OSBPL6: variants seen among roughly 807,000 people sequenced by gnomAD.
The protein encoded by OSBPL6 is oxysterol-binding protein-related protein 6.
In OSBPL6, 49 loss-of-function variants were observed where a neutral mutation model predicts 125.8. The ratio of observed to expected loss-of-function variants is 0.39; its 90% CI spans 0.31 to 0.49. The LOEUF (loss-of-function observed/expected upper bound fraction) is 0.49, where lower values mean the gene tolerates loss of function less well. Among genes scored for constraint, OSBPL6 ranks in the 20% least tolerant of loss-of-function variants. The pLI is 0.88. For missense variants in OSBPL6, 986 were observed against 1,135.4 expected, an observed-to-expected ratio of 0.87 and a Z score of 1.89; for synonymous variants, 394 against 391.8, an observed-to-expected ratio of 1.01 and a Z score of -0.07.
rs115189361 is a variant in OSBPL6, at chr2:178,342,312, A to C, written c.987+2548A>C. The stretch of plus-strand genomic sequence containing the variant: ...ATTGTTGCTGCTGTTGTTGTTATCA[A>C]TGTTGTGTTACTGAACTTTGTATTC... On this transcript the variant is annotated intron_variant, in intron 11 of 24. Coordinates refer to ENST00000190611, the MANE Select transcript of OSBPL6 (RefSeq NM_032523.4). Among the ~76,000 whole-genome samples the C allele has an allele frequency of 2.7e-3, 415 of 152,250 alleles. 1 individual carries two copies. The highest frequency in any genetic ancestry group is 0.027 in the Middle Eastern group (8 of 294).
chr2:178,252,959 A>G (rs1016223256), intron 1 of OSBPL6, among the ~76,000 whole-genome samples: 3 of 152,118 alleles, frequency 2.0e-5, no homozygotes, highest in African/African-American at 7.3e-5. Flanking sequence ...GCTCTTGGAC[A>G]TCCCCTACAG....
intron 12 of OSBPL6, among the ~76,000 whole-genome samples, chr2:178,353,665 AC>A (rs1174721849): frequency 1.2e-4 from 19 of 152,226 alleles, no homozygotes; most frequent in African/African-American, 3.6e-4. Flanking sequence ...AAGTTGGAAA[AC>A]ACTCTTCAGG....
At chr2:178,281,634 A>G (rs1439703234) in intron 1 of OSBPL6, among the ~76,000 whole-genome samples, 1 of 152,082 alleles carries the variant, frequency 6.6e-6, no homozygotes, top group Non-Finnish European at 1.5e-5. Context: ...TCTGTATTTG[A>G]TCATGTCCTT....
intron 15 of OSBPL6, 62 bp downstream of exon 15, chr2:178,374,089 C>T (rs941748555): frequency 6.5e-7 from 1 of 1,541,990 alleles, no homozygotes; most frequent in Non-Finnish European, 8.8e-7. Flanking sequence ...AGTTAAAGAA[C>T]ATAAAACTGT....
chr2:178,314,832 T>G (rs1258663794), intron 3 of OSBPL6, among the ~76,000 whole-genome samples: 1 of 152,190 alleles, frequency 6.6e-6, no homozygotes, highest in Non-Finnish European at 1.5e-5. Flanking sequence ...GGAACCCAGT[T>G]TCTGGAGCCC....
chr2:178,384,634 A>G (rs73034346), intron 18 of OSBPL6, among the ~76,000 whole-genome samples: 11,106 of 152,200 alleles, frequency 0.073, 729 homozygotes, highest in East Asian at 0.19. Flanking sequence ...CCTCAGTCTC[A>G]CTCTGTGAAT....
In OSBPL6 at chr2:178,324,491, A is replaced by G. The variant is rs148082873; in HGVS notation, c.195+222A>G. Among the ~76,000 whole-genome samples, 503 of 152,350 alleles carry G rather than the reference A, an allele frequency of 3.3e-3. 3 individuals are homozygous for G. The highest frequency in any genetic ancestry group is 0.012 in the African/African-American group (492 of 41,592). On this transcript the variant is annotated intron_variant, in intron 4 of 24. Coordinates refer to ENST00000190611, the MANE Select transcript of OSBPL6 (RefSeq NM_032523.4). ...GCTGGGATTTGTAGGGTTACATTCAAAGGTCCAAAATTCTGTTTAAGGGAA... is the reference window on the plus strand; with the variant it reads ...GCTGGGATTTGTAGGGTTACATTCAGAGGTCCAAAATTCTGTTTAAGGGAA...
intron 1 of OSBPL6, among the ~76,000 whole-genome samples, chr2:178,202,038 G>A (rs1007729603): frequency 6.6e-6 from 1 of 152,148 alleles, no homozygotes; most frequent in African/African-American, 2.4e-5. Flanking sequence ...AGTGCTTATA[G>A]TATTGGAACC....
chr2:178,383,753 TG>T (rs1287851482), intron 17 of OSBPL6, among the ~76,000 whole-genome samples: 1 of 152,216 alleles, frequency 6.6e-6, no homozygotes, highest in Non-Finnish European at 1.5e-5. Flanking sequence ...ACCAATAAGC[TG>T]GGTTTCAGAA....
At chr2:178,336,772 A>G (rs1381644498) in intron 9 of OSBPL6, among the ~76,000 whole-genome samples, 1 of 152,108 alleles carries the variant, frequency 6.6e-6, no homozygotes, top group East Asian at 1.9e-4. Context: ...AGTCACACAG[A>G]GGAGTAACCC....
chr2:178,380,408 G>A (rs1316443090), intron 15 of OSBPL6, among the ~76,000 whole-genome samples: 2 of 127,234 alleles, frequency 1.6e-5, no homozygotes, highest in African/African-American at 5.8e-5. Context: ...AGTGAGCTGT[G>A]ATGGTACCAC....
chr2:178,267,632 A>G (rs77103310), intron 1 of OSBPL6, among the ~76,000 whole-genome samples: 2,350 of 152,270 alleles, frequency 0.015, 62 homozygotes, highest in African/African-American at 0.054. Flanking sequence ...TTGGCCAGAA[A>G]ACTTGAGGCC....
chr2:178,400,880 A>C lies in OSBPL6; in HGVS notation c.*5321A>C, dbSNP rs1228533523. ...ACGTGCATATGCACCCTCCCCTTCCATTACCCCAGTATCCGCCATCAAGTA... is the reference window on the plus strand; with the variant it reads ...ACGTGCATATGCACCCTCCCCTTCCCTTACCCCAGTATCCGCCATCAAGTA... On this transcript the variant is annotated 3_prime_UTR_variant, in exon 25 of 25. Coordinates refer to ENST00000190611, the MANE Select transcript of OSBPL6 (RefSeq NM_032523.4). The C allele has an allele frequency of 1.3e-5, 2 of 152,240 alleles. No homozygotes were observed. Among genetic ancestry groups the C allele is most frequent in the East Asian group, 3.8e-4 (2 of 5,196 alleles). The allele number at this position is 152,240 out of a possible 1,614,324, so 9.4% of individuals were successfully genotyped here.
intron 13 of OSBPL6, among the ~76,000 whole-genome samples, chr2:178,367,614 A>G (rs1177154030): frequency 6.6e-6 from 1 of 152,184 alleles, no homozygotes; most frequent in African/African-American, 2.4e-5. Flanking sequence ...GTTAGTAGCT[A>G]AGGAGGTGGC....
At chr2:178,301,372 G>A (rs192466388) in intron 2 of OSBPL6, among the ~76,000 whole-genome samples, 20 of 152,212 alleles carry the variant, frequency 1.3e-4, no homozygotes, top group Admixed American at 3.3e-4. Flanking sequence ...GTATATCTGT[G>A]TGGTAGTCTT....
chr2:178,388,945 G>A, intron 20 of OSBPL6, 64 bp from the exon 21 acceptor site: 1 of 1,528,862 alleles, frequency 6.5e-7, no homozygotes, highest in Non-Finnish European at 8.9e-7. Context: ...ATTCTCATTA[G>A]CAGAAACAGT....
chr2:178,231,044 T>A (rs1436096641), intron 1 of OSBPL6, among the ~76,000 whole-genome samples: 1 of 151,460 alleles, frequency 6.6e-6, no homozygotes, highest in East Asian at 1.9e-4. Context: ...ACAGAGTGGG[T>A]TAAGGAATGG....
At chr2:178,235,765 A>G (rs576753675) in intron 1 of OSBPL6, among the ~76,000 whole-genome samples, 3 of 152,292 alleles carry the variant, frequency 2.0e-5, no homozygotes, top group African/African-American at 4.8e-5. Flanking sequence ...CAATATGCCT[A>G]TGGCTTAACA....
chr2:178,345,903 T>G (rs1182560872), intron 11 of OSBPL6, among the ~76,000 whole-genome samples: 3 of 152,180 alleles, frequency 2.0e-5, no homozygotes, highest in Non-Finnish European at 4.4e-5. Context: ...GGGTTTATAT[T>G]TTTAAAATTG....
Sources: gnomAD v4.1 joint callset for allele counts (sites outside exome capture counted in the v4.1 genomes callset) on GRCh38, gnomAD v4.1.1 for gene constraint, MANE v1.5 for transcripts, NCBI Gene and HGNC (gene_info 2026-07-23, HGNC 2026-07-21) for gene names.